The following RORA variants were observed in gnomAD, a reference collection of about 807,000 sequenced individuals.
The protein encoded by RORA is nuclear receptor ROR-alpha.
Under a neutral mutation model 69.5 loss-of-function variants are expected in RORA, and 7 were observed. The observed-to-expected ratio is 0.10, with a 90% confidence interval of 0.06 to 0.19. The LOEUF is 0.19. RORA is among the 10% of genes least tolerant of loss of function. RORA has a pLI of 1.00. For synonymous variants in RORA, 261 were observed against 240.8 expected, an observed-to-expected ratio of 1.08 and a Z score of -0.78; for missense variants, 457 against 663.0, an observed-to-expected ratio of 0.69 and a Z score of 3.41.
chr15:60,831,495 T>C (rs1413062561), intron 1 of RORA, among the ~76,000 whole-genome samples: 3 of 152,176 alleles, frequency 2.0e-5, no homozygotes, highest in Non-Finnish European at 2.9e-5. Context: ...ATGGAAAATC[T>C]TCCCTGGAGG....
intron 1 of RORA, among the ~76,000 whole-genome samples, chr15:60,970,202 G>C (rs932441402): frequency 1.3e-5 from 2 of 152,142 alleles, no homozygotes; most frequent in African/African-American, 2.4e-5. Context: ...TCAGTCTATG[G>C]TATTTCCCAT....
chr15:60,934,381 T>G (rs1303192922), intron 1 of RORA, among the ~76,000 whole-genome samples: 1 of 151,754 alleles, frequency 6.6e-6, no homozygotes, highest in Admixed American at 6.6e-5. Context: ...GGAGGGCTTG[T>G]AAAAAGAAAA....
At chr15:60,584,709 G>A (rs2068282077) in intron 2 of RORA, among the ~76,000 whole-genome samples, 1 of 152,076 alleles carries the variant, frequency 6.6e-6, no homozygotes, top group Non-Finnish European at 1.5e-5. Context: ...AAGATTTGAA[G>A]TGAGATGAAC....
rs549589721 is a variant in RORA at position 60,766,060 on chromosome 15, A to C, written c.167-87374T>G. 2.0e-5 allele frequency among the ~76,000 whole-genome samples: 3 copies of C among 152,312 alleles called. No individual in the cohort carries two copies. The East Asian group carries it at 5.8e-4, about 29-fold the overall frequency. ...ATGGCTTCTAAATTATTTATTACGCATAGAAAGCTGTAAACATCCCTCTCT... is the reference window on the plus strand; with the variant it reads ...ATGGCTTCTAAATTATTTATTACGCCTAGAAAGCTGTAAACATCCCTCTCT... On this transcript the variant is annotated intron_variant, in intron 1 of 10. Transcript: ENST00000335670.
intron 1 of RORA, among the ~76,000 whole-genome samples, chr15:61,200,949 C>T (rs1332378376): frequency 1.3e-5 from 2 of 152,156 alleles, no homozygotes; most frequent in Non-Finnish European, 2.9e-5. Context: ...TGTTTTGAGA[C>T]CAGAAAGCGG....
At chr15:60,702,659 T>C (rs1182561359) in intron 1 of RORA, among the ~76,000 whole-genome samples, 1 of 152,228 alleles carries the variant, frequency 6.6e-6, no homozygotes, top group Non-Finnish European at 1.5e-5. Context: ...TAATGTTACC[T>C]AGCTTGGAAA....
chr15:60,956,292 A>G (rs1893265965), intron 1 of RORA, among the ~76,000 whole-genome samples: 1 of 152,200 alleles, frequency 6.6e-6, no homozygotes, highest in Non-Finnish European at 1.5e-5. Flanking sequence ...TATAGTTTAC[A>G]AAACATATTC....
At chr15:61,189,882 A>AAAAAC (rs2079780836) in intron 1 of RORA, among the ~76,000 whole-genome samples, 1 of 149,424 alleles carries the variant, frequency 6.7e-6, no homozygotes, top group African/African-American at 2.5e-5. Flanking sequence ...AAAAAAAAAA[A>AAAAAC]CCACAGATAT....
chr15:60,565,334 G>A (rs1363359070), intron 2 of RORA, among the ~76,000 whole-genome samples: 1 of 152,144 alleles, frequency 6.6e-6, no homozygotes, highest in Non-Finnish European at 1.5e-5. Context: ...AGTGCTAGAG[G>A]TGGCAAAAAT....
At chr15:60,958,874 G>T (rs1054623396) in intron 1 of RORA, among the ~76,000 whole-genome samples, 1 of 152,116 alleles carries the variant, frequency 6.6e-6, no homozygotes. Context: ...ACAGCAACTT[G>T]GCTCAGGCAC....
intron 1 of RORA, among the ~76,000 whole-genome samples, chr15:60,697,651 C>A (rs1021164118): frequency 6.6e-6 from 1 of 152,002 alleles, no homozygotes; most frequent in Non-Finnish European, 1.5e-5. Flanking sequence ...TAAAATAAGG[C>A]CTGCTCTTGG....
At chr15:61,227,580 G>T (rs557365004) in intron 1 of RORA, among the ~76,000 whole-genome samples, 2 of 152,196 alleles carry the variant, frequency 1.3e-5, no homozygotes, top group South Asian at 2.1e-4. Context: ...GCTAAGGTGG[G>T]GGGGGGGATA....
intron 2 of RORA, among the ~76,000 whole-genome samples, chr15:60,666,288 C>G (rs141991191): frequency 0.019 from 2,804 of 151,102 alleles, 42 homozygotes; most frequent in Non-Finnish European, 0.031. Context: ...CCAGCTCAGT[C>G]TCCCAAGTAG....
intron 1 of RORA, among the ~76,000 whole-genome samples, chr15:60,823,132 T>G (rs533895370): frequency 0.045 from 3,323 of 74,616 alleles, 44 homozygotes; most frequent in Non-Finnish European, 0.063. Context: ...CTCTCTCTCT[T>G]TCTTTTTTTC....
In RORA at chr15:61,159,063, G is replaced by A. The variant is rs923431067; in HGVS notation, c.166+69990C>T. On this transcript the variant is annotated intron_variant, in intron 1 of 10. Coordinates refer to ENST00000335670, the MANE Select transcript of RORA (RefSeq NM_134261.3). The stretch of plus-strand genomic sequence containing the variant: ...ATATATAAATATACAGCTAGACATA[G>A]GTAGATATAAATAGATAGACATAAC... 2.6e-5 allele frequency among the ~76,000 whole-genome samples: 4 copies of A among 152,016 alleles called. No individual in the cohort carries two copies. The East Asian group carries it at 7.7e-4, about 29-fold the overall frequency.
rs1383235280 is a variant in RORA at position 60,503,518 on chromosome 15, A to C, written c.1075+17T>G. The C allele has an allele frequency of 1.2e-6, 2 of 1,613,298 alleles. No individual in the cohort carries two copies. On this transcript the variant is annotated intron_variant, in intron 7 of 10. Transcript: ENST00000335670. Reference sequence around the variant, plus strand: ...AGGTTAGGAAGAGATCTCAAAATTCACTTGCAAAGCACATACCTGCTTTTA... The same window carrying C: ...AGGTTAGGAAGAGATCTCAAAATTCCCTTGCAAAGCACATACCTGCTTTTA...
intron 1 of RORA, among the ~76,000 whole-genome samples, chr15:60,756,764 T>C (rs1193624089): frequency 6.6e-6 from 1 of 152,216 alleles, no homozygotes; most frequent in Non-Finnish European, 1.5e-5. Flanking sequence ...TTTTGACTAC[T>C]TTTGATACTA....
intron 1 of RORA, among the ~76,000 whole-genome samples, chr15:61,227,205 C>G (rs559447922): frequency 7.7e-5 from 8 of 103,232 alleles, no homozygotes; most frequent in South Asian, 4.3e-4. Flanking sequence ...ATGTCCCCCC[C>G]ATTCCAAAAA....
chr15:61,171,691 C>T (rs2079586555), intron 1 of RORA, among the ~76,000 whole-genome samples: 1 of 152,184 alleles, frequency 6.6e-6, no homozygotes, highest in Non-Finnish European at 1.5e-5. Context: ...CTCCACTGCT[C>T]CTGGAGGTGG....
Sources: gnomAD v4.1 joint callset for allele counts (sites outside exome capture counted in the v4.1 genomes callset) on GRCh38, gnomAD v4.1.1 for gene constraint, MANE v1.5 for transcripts, NCBI Gene and HGNC (gene_info 2026-07-23, HGNC 2026-07-21) for gene names.